SMAD9: variants seen among roughly 807,000 people sequenced by gnomAD.
SMAD9 encodes SMAD family member 9, also known as MAD homolog 9.
SMAD9 carries 36 observed loss-of-function variants against 46.1 expected under a neutral mutation model. The ratio of observed to expected loss-of-function variants is 0.78; its 90% CI spans 0.60 to 1.03. SMAD9 has a LOEUF of 1.03. Among genes scored for constraint, SMAD9 ranks in the 50% least tolerant of loss-of-function variants. SMAD9 has a pLI of 0.00. For missense variants in SMAD9, 572 were observed against 599.8 expected, an observed-to-expected ratio of 0.95 and a Z score of 0.48; for synonymous variants, 245 against 237.1, an observed-to-expected ratio of 1.03 and a Z score of -0.31.
intron 1 of SMAD9, among the ~76,000 whole-genome samples, chr13:36,913,043 C>A (rs2058673420): frequency 6.6e-6 from 1 of 152,182 alleles, no homozygotes; most frequent in African/African-American, 2.4e-5. Context: ...ATAATACCTA[C>A]TATACTGTAA....
intron 1 of SMAD9, among the ~76,000 whole-genome samples, chr13:36,900,724 CACAT>C (rs1397218876): frequency 1.0e-3 from 132 of 129,246 alleles, no homozygotes; most frequent in Middle Eastern, 3.9e-3. Context: ...CACACACACA[CACAT>C]AAATGTAAAT....
intron 1 of SMAD9, among the ~76,000 whole-genome samples, chr13:36,905,092 T>C (rs2058607522): frequency 2.0e-5 from 3 of 152,218 alleles, no homozygotes; most frequent in Admixed American, 2.0e-4. Flanking sequence ...CAGAAATTTT[T>C]GGTTGTTGTA....
chr13:36,899,701 G>A (rs1322486290), intron 1 of SMAD9, among the ~76,000 whole-genome samples: 1 of 152,206 alleles, frequency 6.6e-6, no homozygotes, highest in Non-Finnish European at 1.5e-5. Context: ...GGAGCTCAAA[G>A]AAGAGGCTGA....
chr13:36,865,863 G>T, intron 4 of SMAD9, 105 bp from the exon 5 acceptor site: 1 of 937,600 alleles, frequency 1.1e-6, no homozygotes, highest in Non-Finnish European at 1.7e-6. Context: ...CAGAAAGTCG[G>T]CTGCAAGACC....
intron 1 of SMAD9, among the ~76,000 whole-genome samples, chr13:36,886,926 G>A (rs1299725909): frequency 6.6e-6 from 1 of 152,030 alleles, no homozygotes; most frequent in Non-Finnish European, 1.5e-5. Context: ...GAGTGGGCAA[G>A]GGTGTGAGTG....
chr13:36,912,042 C>A (rs1477890964), intron 1 of SMAD9, among the ~76,000 whole-genome samples: 1 of 152,172 alleles, frequency 6.6e-6, no homozygotes, highest in Admixed American at 6.5e-5. Flanking sequence ...TAAAGAGAAG[C>A]ATGAAGCAGT....
At chr13:36,892,260 A>G (rs961319393) in intron 1 of SMAD9, among the ~76,000 whole-genome samples, 1 of 152,192 alleles carries the variant, frequency 6.6e-6, no homozygotes, top group Non-Finnish European at 1.5e-5. Context: ...TGCAGAGCAA[A>G]AATTCTTCCT....
At position 36,848,616 on chromosome 13, in the gene SMAD9, A is replaced by AT; in HGVS notation, c.*59dup. 1 of 1,512,596 alleles carries AT rather than the reference A, an allele frequency of 6.6e-7. No individual in the cohort carries two copies. 93.7% of individuals were successfully genotyped at this position (1,512,596 alleles called of 1,614,324 possible). On this transcript the variant is annotated 3_prime_UTR_variant, in exon 7 of 7. Coordinates refer to ENST00000379826, the MANE Select transcript of SMAD9 (RefSeq NM_001127217.3). ...AAACTTCAGTTGCAAATCTGAAATG[A>AT]TACAAGCCACTCCCTGCAATAGCCT...
In SMAD9 at chr13:36,867,394, G is replaced by A. The variant is rs1323437702; in HGVS notation, c.671-11C>T. Reference sequence around the variant, plus strand: ...GGGGTGGTGTGTCAACTAAAAGAAAGCAGTAGAACAAAGGAATTGTCAAAT... The same window carrying A: ...GGGGTGGTGTGTCAACTAAAAGAAAACAGTAGAACAAAGGAATTGTCAAAT... On this transcript the variant is annotated splice_polypyrimidine_tract_variant and intron_variant, in intron 3 of 6. Transcript: ENST00000379826. 12 of 1,506,366 alleles carry A rather than the reference G, an allele frequency of 8.0e-6. No homozygotes were observed. The highest frequency in any genetic ancestry group is 1.4e-5 in the African/African-American group (1 of 71,800). 93.3% of individuals were successfully genotyped at this position (1,506,366 alleles called of 1,614,324 possible). A position where few individuals can be genotyped will look rare whatever the true frequency, so the allele number is the denominator to read the frequency against.
intron 1 of SMAD9, among the ~76,000 whole-genome samples, chr13:36,902,219 C>G (rs1593617549): frequency 1.3e-5 from 2 of 152,140 alleles, no homozygotes; most frequent in South Asian, 2.1e-4. Flanking sequence ...TGCCCCAGCA[C>G]CATTTGTTGA....
intron 2 of SMAD9, among the ~76,000 whole-genome samples, chr13:36,878,360 T>C (rs890991366): frequency 1.3e-5 from 2 of 152,106 alleles, no homozygotes; most frequent in East Asian, 1.9e-4. Flanking sequence ...TTCAATACCA[T>C]TGTGGTTAGG....
chr13:36,887,869 T>C (rs946196241), intron 1 of SMAD9, among the ~76,000 whole-genome samples: 2 of 152,070 alleles, frequency 1.3e-5, no homozygotes, highest in Admixed American at 1.3e-4. Flanking sequence ...AACTCCAAGG[T>C]TGCAGAGAAG....
At chr13:36,869,000 T>C (rs1010995455) in intron 3 of SMAD9, among the ~76,000 whole-genome samples, 3 of 151,768 alleles carry the variant, frequency 2.0e-5, no homozygotes, top group African/African-American at 4.8e-5. Context: ...CTAAGTGAAA[T>C]AAAACATACA....
upstream of SMAD9, chr13:36,920,319 C>CCCG (rs913784467): frequency 5.3e-5 from 8 of 149,684 alleles, no homozygotes; most frequent in African/African-American, 1.9e-4. Context: ...CCCGCCCCCG[C>CCCG]CCGCCGCCGC....
chr13:36,885,962 G>A (rs193266381), intron 1 of SMAD9, among the ~76,000 whole-genome samples: 7 of 152,186 alleles, frequency 4.6e-5, no homozygotes, highest in Admixed American at 1.3e-4. Context: ...CTCACTATGC[G>A]GGTACTGGGA....
rs1207462634 is a variant in SMAD9, at chr13:36,853,383, T to G, written c.1260+36A>C. 10 of 1,611,210 alleles carry G rather than the reference T, an allele frequency of 6.2e-6. No individual in the cohort carries two copies. The South Asian group carries it at 9.9e-5, about 16-fold the overall frequency. On this transcript the variant is annotated intron_variant, in intron 6 of 6. Transcript: ENST00000379826. ...GGTGCTTTTTTGTTTTGTTTTTCAC[T>G]GAACATTTTATAACGTGATAGCAAG... is the stretch of plus-strand genomic sequence containing the variant.
chr13:36,914,165 C>A (rs1488877079), intron 1 of SMAD9, among the ~76,000 whole-genome samples: 1 of 152,114 alleles, frequency 6.6e-6, no homozygotes, highest in Non-Finnish European at 1.5e-5. Context: ...TCTGTAACAC[C>A]CTCTTTCCAC....
chr13:36,912,522 T>A (rs2058669621), intron 1 of SMAD9, among the ~76,000 whole-genome samples: 1 of 152,162 alleles, frequency 6.6e-6, no homozygotes, highest in Non-Finnish European at 1.5e-5. Context: ...CAAAGTGGTC[T>A]GGAGGCCCCT....
chr13:36,860,988 C>A (rs768225574), intron 5 of SMAD9, among the ~76,000 whole-genome samples: 81 of 152,114 alleles, frequency 5.3e-4, no homozygotes, highest in Non-Finnish European at 7.9e-4. Context: ...CTATTTAAAG[C>A]ATCTTGCTAG....
Sources: allele counts gnomAD v4.1 joint callset (sites outside exome capture counted in the v4.1 genomes callset), GRCh38; gene constraint gnomAD v4.1.1; transcripts MANE v1.5; gene names NCBI Gene and HGNC (gene_info 2026-07-23, HGNC 2026-07-21).